Variants in TNPO3 observed in about 807,000 individuals in gnomAD.
TNPO3 encodes transportin 3.
In TNPO3, 65 loss-of-function variants were observed where a neutral mutation model predicts 122.8. The observed-to-expected ratio is 0.53, with a 90% CI of 0.43 to 0.65. The LOEUF (loss-of-function observed/expected upper bound fraction) is 0.65. Ranked by LOEUF, TNPO3 falls within the 30% of genes least tolerant of loss-of-function variation. TNPO3 has a pLI of 0.00. For synonymous variants in TNPO3, 372 were observed against 411.2 expected, an observed-to-expected ratio of 0.90 and a Z score of 1.15; for missense variants, 850 against 1,136.7, an observed-to-expected ratio of 0.75 and a Z score of 3.63.
intron 1 of TNPO3, among the ~76,000 whole-genome samples, chr7:129,023,045 T>C (rs544147702): frequency 6.6e-5 from 10 of 152,300 alleles, no homozygotes; most frequent in African/African-American, 2.2e-4. Flanking sequence ...TGCAAAACTA[T>C]GCTTGTTTTT....
intron 12 of TNPO3, among the ~76,000 whole-genome samples, chr7:128,986,146 A>T (rs1256695709): frequency 2.0e-5 from 3 of 152,224 alleles, no homozygotes; most frequent in Non-Finnish European, 4.4e-5. Context: ...TTATAAGACC[A>T]TCTTTCAAAT....
chr7:129,012,553 A>G (rs558380676), intron 4 of TNPO3, among the ~76,000 whole-genome samples: 12 of 152,332 alleles, frequency 7.9e-5, no homozygotes, highest in African/African-American at 2.6e-4. Flanking sequence ...ACCACAAAGT[A>G]TAATGCAAAT....
rs1172535962 is a variant in TNPO3, at chr7:129,035,423, T to C, written c.121-17266A>G. Among the ~76,000 whole-genome samples, 5 of 151,894 alleles carry C rather than the reference T, an allele frequency of 3.3e-5. No homozygotes were observed. The South Asian group carries it at 8.3e-4, about 25-fold the overall frequency. ...CTCAAGACCAACCTGGGCAACAAAG[T>C]GAGACCTCGTCTCTACACAAAAAAG... is the stretch of plus-strand genomic sequence containing the variant. On this transcript the variant is annotated intron_variant, in intron 1 of 22. Transcript: ENST00000265388.
At chr7:128,983,752 T>C (rs1354841205) in intron 13 of TNPO3, among the ~76,000 whole-genome samples, 2 of 118,612 alleles carry the variant, frequency 1.7e-5, no homozygotes, top group African/African-American at 5.2e-5. Flanking sequence ...CCCATCTTTT[T>C]AGACTAAACC....
At chr7:129,052,567 G>C (rs556879670) in intron 1 of TNPO3, among the ~76,000 whole-genome samples, 1 of 152,328 alleles carries the variant, frequency 6.6e-6, no homozygotes, top group East Asian at 1.9e-4. Context: ...GGTTGTAATA[G>C]AGTATTGGAA....
intron 1 of TNPO3, chr7:129,030,174 CAA>C (rs1050415247): frequency 6.0e-6 from 1 of 167,846 alleles, no homozygotes; most frequent in Non-Finnish European, 1.3e-5. Context: ...GCCCCTGCTG[CAA>C]AAGAGACCTA....
At position 128,972,635 on chromosome 7, in the gene TNPO3, AGCCAGGGTAAAAGG is replaced by A; in HGVS notation, c.2274-67_2274-54del. On this transcript the variant is annotated intron_variant, in intron 18 of 22. Transcript: ENST00000265388. ...AATGACAAGATTAGGCTATAAAAGC[AGCCAGGGTAAAAGG>A]GCAAAACTATGAAGACAGTAAAAAA... The A allele has an allele frequency of 2.6e-6, 4 of 1,567,768 alleles. No homozygotes were observed. The South Asian group carries it at 4.6e-5, about 18-fold the overall frequency.
rs557822269 is a variant in TNPO3, at chr7:129,049,298, C to T, written c.120+5353G>A. 3.3e-5 allele frequency among the ~76,000 whole-genome samples: 5 copies of T among 152,190 alleles called. 2 individuals carry two copies. The highest frequency in any genetic ancestry group is 1.2e-4 in the African/African-American group (5 of 41,502). On this transcript the variant is annotated intron_variant, in intron 1 of 22. Coordinates refer to ENST00000265388, the MANE Select transcript of TNPO3 (RefSeq NM_012470.4). ...AGATGCAGACAAGACATAGGATAAA[C>T]CAAAAGATCAAGGTCCCAGAAATTT... is the stretch of plus-strand genomic sequence containing the variant.
intron 1 of TNPO3, among the ~76,000 whole-genome samples, chr7:129,034,527 A>C (rs1050044685): frequency 1.3e-5 from 2 of 152,014 alleles, no homozygotes; most frequent in African/African-American, 4.8e-5. Flanking sequence ...CAAAACAAAA[A>C]AAGGTTGAAA....
At chr7:129,041,453 G>T in intron 1 of TNPO3, 2 of 686,420 alleles carry the variant, frequency 2.9e-6, no homozygotes, top group Non-Finnish European at 3.6e-6. Flanking sequence ...ACAGTACATT[G>T]CTCATTGTTC....
At chr7:129,004,988 T>C in intron 5 of TNPO3, 28 bp downstream of exon 5, 2 of 1,588,690 alleles carry the variant, frequency 1.3e-6, no homozygotes, top group South Asian at 1.2e-5. Context: ...TTGGCAGAAA[T>C]ACTTTGATAA....
chr7:129,033,315 T>C (rs1040179995), intron 1 of TNPO3, among the ~76,000 whole-genome samples: 2 of 152,112 alleles, frequency 1.3e-5, no homozygotes, highest in Non-Finnish European at 2.9e-5. Flanking sequence ...ATACAAATGG[T>C]TAACAGGCAT....
chr7:128,957,459 A>C, intron 21 of TNPO3, 144 bp from the exon 22 acceptor site: 1 of 806,570 alleles, frequency 1.2e-6, no homozygotes, highest in South Asian at 1.5e-5. Context: ...TCCTGGCTTC[A>C]GATCTTTCTG....
chr7:129,009,384 GA>G (rs1182195252), intron 4 of TNPO3, among the ~76,000 whole-genome samples: 1 of 152,214 alleles, frequency 6.6e-6, no homozygotes, highest in Non-Finnish European at 1.5e-5. Flanking sequence ...AAGGTCTTAA[GA>G]GGGGTTTGGA....
At chr7:128,963,949 TTA>T (rs1403664190) in intron 21 of TNPO3, among the ~76,000 whole-genome samples, 2 of 152,216 alleles carry the variant, frequency 1.3e-5, no homozygotes, top group African/African-American at 4.8e-5. Flanking sequence ...CTAGTCTCAC[TTA>T]TATATCTTTC....
At chr7:128,959,296 A>AT (rs1304818082) in intron 21 of TNPO3, among the ~76,000 whole-genome samples, 1 of 152,142 alleles carries the variant, frequency 6.6e-6, no homozygotes, top group Non-Finnish European at 1.5e-5. Flanking sequence ...GGAGACCGAG[A>AT]TTTTTTTGCT....
intron 19 of TNPO3, chr7:128,971,094 A>T (rs1407647232): frequency 3.4e-5 from 5 of 148,222 alleles, no homozygotes; most frequent in Non-Finnish European, 7.4e-5. Context: ...TCTATCAGAG[A>T]TCTAATTTTT....
intron 1 of TNPO3, among the ~76,000 whole-genome samples, chr7:129,049,660 C>CT (rs746778911): frequency 5.9e-5 from 9 of 152,030 alleles, no homozygotes; most frequent in Non-Finnish European, 1.3e-4. Flanking sequence ...GAGTAAAGAT[C>CT]TTTTTTAAAA....
intron 1 of TNPO3, among the ~76,000 whole-genome samples, chr7:129,022,560 C>G (rs1454476260): frequency 2.5e-4 from 37 of 150,730 alleles, no homozygotes; most frequent in Non-Finnish European, 5.9e-5. Flanking sequence ...CCTAAAAATA[C>G]CAACGCAGAA....
Sources: allele counts gnomAD v4.1 joint callset (sites outside exome capture counted in the v4.1 genomes callset), GRCh38; gene constraint gnomAD v4.1.1; transcripts MANE v1.5; gene names NCBI Gene and HGNC (gene_info 2026-07-23, HGNC 2026-07-21).